PHF24: variants seen among roughly 807,000 people sequenced by gnomAD.
PHF24 encodes the protein Galpha inhibitory interacting protein.
Under a neutral mutation model 42.6 loss-of-function variants are expected in PHF24, and 25 were observed. That is an observed-to-expected ratio of 0.59 (90% confidence interval 0.43 to 0.82). The LOEUF (loss-of-function observed/expected upper bound fraction) is 0.82. PHF24 is among the 40% of genes least tolerant of loss of function. The pLI, the probability that PHF24 is intolerant of heterozygous loss-of-function variation, is 0.00. For synonymous variants in PHF24, 185 were observed against 204.8 expected (o/e 0.90, Z 0.83); for missense variants, 470 against 538.1 (o/e 0.87, Z 1.25).
At chr9:34,916,259 A>G in the PHF24 span, among the ~76,000 whole-genome samples, 1 of 152,036 alleles carries the variant, frequency 6.6e-6, no homozygotes, top group Non-Finnish European at 1.5e-5. Flanking sequence ...CTATTTGAGA[A>G]ACTTCCCCCT....
the PHF24 span, among the ~76,000 whole-genome samples, chr9:34,806,974 C>G: frequency 1.3e-5 from 2 of 152,122 alleles, no homozygotes; most frequent in Admixed American, 6.6e-5. Context: ...TTTCTGTATA[C>G]AAGATCATAT....
chr9:34,709,879 T>A, the PHF24 span: 1 of 1,614,252 alleles, frequency 6.2e-7, no homozygotes, highest in Non-Finnish European at 8.5e-7. Context: ...GCAACAGTCC[T>A]GAGCCCCTCC....
chr9:34,943,644 G>GA, the PHF24 span, among the ~76,000 whole-genome samples: 12 of 150,716 alleles, frequency 8.0e-5, no homozygotes, highest in South Asian at 2.1e-4. Context: ...TCCTTTTCAG[G>GA]AAAAAAAAAC....
the PHF24 span, chr9:34,723,848 T>G: frequency 1.9e-6 from 3 of 1,551,660 alleles, no homozygotes; most frequent in Non-Finnish European, 2.6e-6. Context: ...AGACTCTTTC[T>G]CCCCAGGGAC....
chr9:34,875,894 C>T, the PHF24 span, among the ~76,000 whole-genome samples: 6 of 145,412 alleles, frequency 4.1e-5, no homozygotes, highest in Admixed American at 3.4e-4. Context: ...AGCAAAAGCT[C>T]GTCTCTCTCT....
the PHF24 span, among the ~76,000 whole-genome samples, chr9:34,713,072 G>C: frequency 8.5e-5 from 13 of 152,192 alleles, no homozygotes; most frequent in African/African-American, 3.1e-4. Flanking sequence ...CACTCCTTAG[G>C]GATTGCTGAT....
chr9:34,915,285 CAT>C, the PHF24 span, among the ~76,000 whole-genome samples: 148 of 152,222 alleles, frequency 9.7e-4, no homozygotes, highest in African/African-American at 3.5e-3. Flanking sequence ...TAGTTCCTAA[CAT>C]GTGCGTCTGC....
chr9:34,929,996 A>C, the PHF24 span, among the ~76,000 whole-genome samples: 1 of 152,234 alleles, frequency 6.6e-6, no homozygotes. Flanking sequence ...TGTCTATAAC[A>C]TTACAACTTT....
chr9:34,899,530 A>T, the PHF24 span, among the ~76,000 whole-genome samples: 1 of 152,190 alleles, frequency 6.6e-6, no homozygotes, highest in Admixed American at 6.5e-5. Context: ...AAATATACCA[A>T]GGTGCCGGGG....
At chr9:34,676,929 T>A in the PHF24 span, among the ~76,000 whole-genome samples, 1 of 152,168 alleles carries the variant, frequency 6.6e-6, no homozygotes, top group Admixed American at 6.5e-5. Flanking sequence ...CCATGAGAAA[T>A]CCATTCCCGT....
At chr9:34,756,240 T>C in the PHF24 span, among the ~76,000 whole-genome samples, 1 of 152,000 alleles carries the variant, frequency 6.6e-6, no homozygotes, top group African/African-American at 2.4e-5. Context: ...GCTGGGATGA[T>C]AGCAGTGCAC....
chr9:34,858,191 G>T, the PHF24 span, among the ~76,000 whole-genome samples: 2 of 151,774 alleles, frequency 1.3e-5, no homozygotes, highest in Non-Finnish European at 2.9e-5. Flanking sequence ...TTCCCTAATT[G>T]CTTTTGATTC....
chr9:34,720,487 A>G, the PHF24 span, among the ~76,000 whole-genome samples: 1 of 151,818 alleles, frequency 6.6e-6, no homozygotes, highest in East Asian at 1.9e-4. Context: ...AACATGTCAT[A>G]AAGAAGTCAC....
the PHF24 span, among the ~76,000 whole-genome samples, chr9:34,732,979 C>A: frequency 9.9e-5 from 15 of 152,244 alleles, no homozygotes; most frequent in African/African-American, 3.4e-4. Context: ...CCAAATAACA[C>A]TGACATGAAC....
At chr9:34,807,343 T>C in the PHF24 span, among the ~76,000 whole-genome samples, 15 of 152,168 alleles carry the variant, frequency 9.9e-5, no homozygotes, top group Admixed American at 3.3e-4. Context: ...GTCAACAGCC[T>C]CCCACCTATT....
chr9:34,736,481 T>A, the PHF24 span, among the ~76,000 whole-genome samples: 2 of 150,112 alleles, frequency 1.3e-5, no homozygotes, highest in African/African-American at 5.1e-5. Flanking sequence ...TAATTTTTTA[T>A]TTTTTGTAGA....
chr9:34,961,065 T>G (rs1266568803), intron 1 of PHF24, among the ~76,000 whole-genome samples: 7 of 152,220 alleles, frequency 4.6e-5, no homozygotes, highest in Non-Finnish European at 8.8e-5. Flanking sequence ...TCCTTCAACA[T>G]GGATAGTAAG....
At chr9:34,968,936 C>A (rs146788870) in intron 1 of PHF24, among the ~76,000 whole-genome samples, 1 of 152,324 alleles carries the variant, frequency 6.6e-6, no homozygotes, top group African/African-American at 2.4e-5. Context: ...GTGCTGTGAG[C>A]ACTCCGACCT....
the PHF24 span, among the ~76,000 whole-genome samples, chr9:34,839,592 A>G: frequency 6.6e-6 from 1 of 152,284 alleles, no homozygotes; most frequent in South Asian, 2.1e-4. Context: ...AGCGGAGAAA[A>G]AAATTCTTGG....
Sources: allele counts gnomAD v4.1 joint callset (sites outside exome capture counted in the v4.1 genomes callset), GRCh38; gene constraint gnomAD v4.1.1; transcripts MANE v1.5; gene names NCBI Gene and HGNC (gene_info 2026-07-23, HGNC 2026-07-21).